EPHB1: variants seen among roughly 807,000 people sequenced by gnomAD.
The protein encoded by EPHB1 is EPH receptor B1, also known as ephrin type-B receptor 1.
Under a neutral mutation model 94.4 loss-of-function variants are expected in EPHB1, and 30 were observed. The ratio of observed to expected loss-of-function variants is 0.32; its 90% CI spans 0.24 to 0.43. The LOEUF is 0.43. Among genes scored for constraint, EPHB1 ranks in the 20% least tolerant of loss-of-function variants. The probability of loss-of-function intolerance (pLI) is 1.00; values close to 1 mark genes in which losing one functional copy is unlikely to be tolerated. For synonymous variants in EPHB1, 522 were observed against 489.1 expected, an observed-to-expected ratio of 1.07 and a Z score of -0.89; for missense variants, 1,055 against 1,308.3, an observed-to-expected ratio of 0.81 and a Z score of 2.99.
chr3:134,894,218 G>A (rs1388758392), intron 1 of EPHB1, among the ~76,000 whole-genome samples: 1 of 152,146 alleles, frequency 6.6e-6, no homozygotes, highest in Non-Finnish European at 1.5e-5. Context: ...TCATCTTGAG[G>A]TGCCTTGGGA....
chr3:135,188,702 C>T lies in EPHB1; in HGVS notation c.1883-3874C>T, dbSNP rs574440151. On this transcript the variant is annotated intron_variant, in intron 10 of 15. Coordinates refer to ENST00000398015, the MANE Select transcript of EPHB1 (RefSeq NM_004441.5). ...CATCCAATGTCTCAGGTGTTGTTTG[C>T]GTGTAGACATGGAGCTTCTTCCTCC... is the stretch of plus-strand genomic sequence containing the variant. Among the ~76,000 whole-genome samples the T allele has an allele frequency of 5.9e-5, 9 of 152,246 alleles. No individual in the cohort carries two copies. In the East Asian group the frequency reaches 1.2e-3, roughly 20 times the overall value.
At position 135,079,831 on chromosome 3, in the gene EPHB1, C is replaced by T. The variant is rs77030174; in HGVS notation, c.806-26617C>T. ...CTTCACTGTAGCTTTGCTGTTCTCC[C>T]CTTCCCTGCCTCCCTTCACCCCAGC... is the stretch of plus-strand genomic sequence containing the variant. On this transcript the variant is annotated intron_variant, in intron 3 of 15. Transcript: ENST00000398015. Among the ~76,000 whole-genome samples the T allele has an allele frequency of 7.8e-4, 118 of 152,214 alleles. 1 individual carries two copies. The East Asian group carries it at 0.02, about 25-fold the overall frequency.
At chr3:134,845,062 C>T (rs893899542) in intron 1 of EPHB1, among the ~76,000 whole-genome samples, 2 of 152,318 alleles carry the variant, frequency 1.3e-5, no homozygotes, top group Admixed American at 6.5e-5. Flanking sequence ...CACTCATAAT[C>T]TGAAAAATGA....
chr3:134,931,864 CTA>C (rs761995224), intron 2 of EPHB1, among the ~76,000 whole-genome samples: 114 of 151,474 alleles, frequency 7.5e-4, no homozygotes, highest in Admixed American at 3.1e-3. Context: ...TATATATGTG[CTA>C]TGTGTCTGTA....
intron 3 of EPHB1, among the ~76,000 whole-genome samples, chr3:135,083,935 A>G (rs1470085397): frequency 6.6e-6 from 1 of 152,098 alleles, no homozygotes; most frequent in African/African-American, 2.4e-5. Flanking sequence ...TCCCAGGAGC[A>G]GGTGATGATG....
intron 4 of EPHB1, among the ~76,000 whole-genome samples, chr3:135,128,272 T>C (rs985683038): frequency 6.6e-6 from 1 of 152,362 alleles, no homozygotes; most frequent in South Asian, 2.1e-4. Context: ...CCTGGAGATG[T>C]TGCTGGGGTC....
At chr3:134,839,301 T>C (rs1457678465) in intron 1 of EPHB1, among the ~76,000 whole-genome samples, 1 of 152,176 alleles carries the variant, frequency 6.6e-6, no homozygotes, top group African/African-American at 2.4e-5. Context: ...ACCGTGCTTG[T>C]TACTGGCTGC....
In EPHB1 at chr3:134,930,955, C is replaced by T. The variant is rs578071747; in HGVS notation, c.123+5075C>T. ...AATGAGCCAGCTCCCTCTTTGTGTC[C>T]CTGGTGCCCAGCACCAGCCTGGCAT... On this transcript the variant is annotated intron_variant, in intron 2 of 15. Transcript: ENST00000398015. Among the ~76,000 whole-genome samples, 11 of 152,308 alleles carry T rather than the reference C, an allele frequency of 7.2e-5. 1 individual carries two copies. In the South Asian group the frequency reaches 2.3e-3, roughly 32 times the overall value.
At chr3:135,115,480 G>A (rs554367649) in intron 4 of EPHB1, among the ~76,000 whole-genome samples, 95 of 152,232 alleles carry the variant, frequency 6.2e-4, no homozygotes, top group African/African-American at 2.1e-3. Flanking sequence ...CTTGCTTTGC[G>A]CACCCTGAGC....
intron 3 of EPHB1, among the ~76,000 whole-genome samples, chr3:134,955,103 T>TTTA (rs1559770507): frequency 2.2e-5 from 1 of 44,520 alleles, no homozygotes. Context: ...TTTTTTTTTT[T>TTTA]AATTTTTTTT....
At chr3:135,192,875 G>A (rs774075723) in intron 11 of EPHB1, 52 bp downstream of exon 11, 2 of 1,590,404 alleles carry the variant, frequency 1.3e-6, no homozygotes, top group South Asian at 1.1e-5. Flanking sequence ...GTGAATGATG[G>A]CTGGGGAGAG....
chr3:135,210,472 A>C (rs1943007737), intron 12 of EPHB1, among the ~76,000 whole-genome samples: 1 of 152,178 alleles, frequency 6.6e-6, no homozygotes, highest in Non-Finnish European at 1.5e-5. Context: ...TTCATTTGGG[A>C]AAGGATAGAA....
intron 3 of EPHB1, among the ~76,000 whole-genome samples, chr3:135,065,555 C>G (rs1470963298): frequency 6.6e-6 from 1 of 152,138 alleles, no homozygotes; most frequent in African/African-American, 2.4e-5. Context: ...TTTTTCCACC[C>G]TTTAAGTTTT....
intron 7 of EPHB1, among the ~76,000 whole-genome samples, chr3:135,165,581 AT>A (rs1286259021): frequency 6.6e-6 from 1 of 152,172 alleles, no homozygotes; most frequent in Non-Finnish European, 1.5e-5. Context: ...TCATAACTTC[AT>A]GCTTTAGAAG....
At chr3:135,176,926 A>T (rs1941995512) in intron 9 of EPHB1, among the ~76,000 whole-genome samples, 1 of 152,150 alleles carries the variant, frequency 6.6e-6, no homozygotes, top group Non-Finnish European at 1.5e-5. Flanking sequence ...GTTATTTTCG[A>T]AGTAACTAAT....
intron 1 of EPHB1, among the ~76,000 whole-genome samples, chr3:134,821,989 G>A (rs756875343): frequency 6.6e-6 from 1 of 152,178 alleles, no homozygotes; most frequent in Non-Finnish European, 1.5e-5. Context: ...TTGGTTAAAC[G>A]CAAAGTGAAA....
intron 3 of EPHB1, among the ~76,000 whole-genome samples, chr3:134,981,921 AG>A (rs1036983922): frequency 2.0e-5 from 3 of 152,194 alleles, no homozygotes; most frequent in Admixed American, 6.5e-5. Flanking sequence ...ATTAATATTT[AG>A]TTATTATTGA....
At chr3:135,005,783 TC>T (rs1215932359) in intron 3 of EPHB1, among the ~76,000 whole-genome samples, 3 of 152,320 alleles carry the variant, frequency 2.0e-5, no homozygotes, top group Admixed American at 6.5e-5. Context: ...CCCTTGTGCT[TC>T]CCGAGTGAGG....
chr3:135,059,753 G>T (rs1443331562), intron 3 of EPHB1, among the ~76,000 whole-genome samples: 1 of 152,194 alleles, frequency 6.6e-6, no homozygotes, highest in African/African-American at 2.4e-5. Context: ...AACTCCTGGG[G>T]AACTTGAACA....
Sources: gnomAD v4.1 joint callset for allele counts (sites outside exome capture counted in the v4.1 genomes callset) on GRCh38, gnomAD v4.1.1 for gene constraint, MANE v1.5 for transcripts, NCBI Gene and HGNC (gene_info 2026-07-23, HGNC 2026-07-21) for gene names.